The following NSD1 variants were observed in gnomAD, a reference collection of about 807,000 sequenced individuals.
NSD1 encodes histone-lysine N-methyltransferase, H3 lysine-36 specific.
A neutral mutation model predicts 242.7 loss-of-function variants in NSD1; 26 were observed. The observed-to-expected ratio is 0.11, with a 90% CI of 0.08 to 0.15. The LOEUF (loss-of-function observed/expected upper bound fraction) is 0.15, where lower values mean the gene tolerates loss of function less well. Among genes scored for constraint, NSD1 ranks in the 10% least tolerant of loss-of-function variants. NSD1 has a pLI of 1.00. For missense variants in NSD1, 2,495 were observed against 3,272.8 expected, an observed-to-expected ratio of 0.76 and a Z score of 5.80; for synonymous variants, 1,106 against 1,178.1, an observed-to-expected ratio of 0.94 and a Z score of 1.25.
rs751602914 is a variant in NSD1 at position 177,147,583 on chromosome 5, GT to G, written c.927+11561del. The stretch of plus-strand genomic sequence containing the variant: ...TAAGTTGTTGACTAAATCAATAGTT[GT>G]TTTTTTTGTTTGTTTTTTTTTTGAG... On this transcript the variant is annotated intron_variant, in intron 2 of 22. Transcript: ENST00000439151. Among the ~76,000 whole-genome samples the G allele has an allele frequency of 2.7e-5, 4 of 150,774 alleles. No individual in the cohort carries two copies. In the South Asian group the frequency reaches 6.3e-4, roughly 24 times the overall value.
chr5:177,227,589 C>T (rs1038140680), intron 5 of NSD1, among the ~76,000 whole-genome samples: 16 of 151,820 alleles, frequency 1.1e-4, no homozygotes, highest in African/African-American at 3.9e-4. Context: ...TATAGGTGTG[C>T]GCCACCACAT....
At chr5:177,249,497 C>T (rs1050815971) in intron 11 of NSD1, among the ~76,000 whole-genome samples, 2 of 151,914 alleles carry the variant, frequency 1.3e-5, no homozygotes, top group East Asian at 1.9e-4. Flanking sequence ...GACGAAGTCT[C>T]GCTCTGTCGG....
rs1429357361 is a variant in NSD1, at chr5:177,257,224, CTTTCTTTT to C, written c.4966+77_4966+84del. On this transcript the variant is annotated intron_variant, in intron 13 of 22. Transcript: ENST00000439151. Reference sequence around the variant, plus strand: ...ATTGGCAACAGATATTTTCTTTTTTCTTTCTTTTTTTTTTTTTTTTTTTGGAGACAGAG... The same window carrying C: ...ATTGGCAACAGATATTTTCTTTTTTCTTTTTTTTTTTTTTTGGAGACAGAG... 162 of 898,334 alleles carry C rather than the reference CTTTCTTTT, an allele frequency of 1.8e-4. 2 individuals are homozygous for C. The African/African-American group carries it at 2.7e-3, about 15-fold the overall frequency. The allele number at this position is 898,334 out of a possible 1,614,324, so 55.6% of individuals were successfully genotyped here.
At chr5:177,132,492 C>T (rs973893814), upstream of NSD1, among the ~76,000 whole-genome samples, 1 of 151,858 alleles carries the variant, frequency 6.6e-6, no homozygotes. This position sits in a 1 kb window ranked among gnomAD's most constrained non-coding sequence, Gnocchi z 7.5. Context: ...CCCCCTCCCC[C>T]GGCGTTCCCC....
chr5:177,173,478 T>G (rs1480747950), intron 2 of NSD1, among the ~76,000 whole-genome samples: 1 of 142,176 alleles, frequency 7.0e-6, no homozygotes, highest in Non-Finnish European at 1.5e-5. Context: ...TTTTTTTTTT[T>G]TTTTTTTTTT....
intron 14 of NSD1, among the ~76,000 whole-genome samples, chr5:177,264,040 T>TTTTTTTTTTTA (rs1757216160): frequency 7.9e-6 from 1 of 126,668 alleles, no homozygotes; most frequent in African/African-American, 3.0e-5. Flanking sequence ...TTTTTTTTTT[T>TTTTTTTTTTTA]TTTTTTTTTT....
Position 177,192,336 on chromosome 5 carries a change from G to A in NSD1, c.1063+317G>A, listed in dbSNP as rs377613850. On this transcript the variant is annotated intron_variant, in intron 3 of 22. Coordinates refer to ENST00000439151, the MANE Select transcript of NSD1 (RefSeq NM_022455.5). The stretch of plus-strand genomic sequence containing the variant: ...AGCGATTCTCCTGCCTTAGCCTCCC[G>A]AGTAGCTGGGATTACAGGCATCCGC... Among the ~76,000 whole-genome samples the A allele has an allele frequency of 9.9e-5, 15 of 151,282 alleles. No homozygotes were observed. The East Asian group carries it at 1.9e-3, about 20-fold the overall frequency.
chr5:177,258,274 C>G (rs1327012052), intron 13 of NSD1, among the ~76,000 whole-genome samples: 1 of 151,788 alleles, frequency 6.6e-6, no homozygotes, highest in African/African-American at 2.4e-5. Context: ...GCCACTGCGC[C>G]CGGCCGGCCA....
intron 3 of NSD1, among the ~76,000 whole-genome samples, chr5:177,193,745 G>A (rs1361587878): frequency 7.2e-5 from 11 of 152,080 alleles, no homozygotes; most frequent in Non-Finnish European, 8.8e-5. Context: ...CTTTCAACAG[G>A]CAACCAATTG....
chr5:177,174,804 C>G (rs1220259767), intron 2 of NSD1, among the ~76,000 whole-genome samples: 1 of 150,306 alleles, frequency 6.7e-6, no homozygotes, highest in African/African-American at 2.5e-5. Flanking sequence ...CTCAGGTGAT[C>G]TGCCCACCTC....
chr5:177,270,123 G>A (rs1354595414), intron 16 of NSD1, among the ~76,000 whole-genome samples: 1 of 151,882 alleles, frequency 6.6e-6, no homozygotes, highest in Non-Finnish European at 1.5e-5. Context: ...CAGAGGCTCA[G>A]ATCTCTAGCA....
intron 19 of NSD1, among the ~76,000 whole-genome samples, chr5:177,283,222 G>A (rs1459333113): frequency 6.6e-6 from 1 of 152,158 alleles, no homozygotes; most frequent in African/African-American, 2.4e-5. Flanking sequence ...CCAAAGTGCT[G>A]GGATTACAGG....
Position 177,269,511 on chromosome 5 carries a change from A to C in NSD1, c.5304-91A>C. On this transcript the variant is annotated intron_variant, in intron 15 of 22. Transcript: ENST00000439151. The surrounding 1 kb of genome is among the most constrained non-coding windows in gnomAD (Gnocchi z 5.1). ...TGGACTTTAATGTGGACAGACAGAC[A>C]TTGCTAATCCTTACTTTTATATGAG... 1 of 1,108,064 alleles carries C rather than the reference A, an allele frequency of 9.0e-7. No homozygotes were observed. Among genetic ancestry groups the C allele is most frequent in the Non-Finnish European group, 1.4e-6 (1 of 737,908 alleles). 68.6% of individuals were successfully genotyped at this position (1,108,064 alleles called of 1,614,324 possible).
chr5:177,218,685 G>A (rs1429748410), intron 5 of NSD1, among the ~76,000 whole-genome samples: 5 of 150,918 alleles, frequency 3.3e-5, no homozygotes, highest in African/African-American at 9.7e-5. Flanking sequence ...CTCCTGCCTC[G>A]GCTTCCTGAG....
At position 177,247,303 on chromosome 5, in the gene NSD1, G is replaced by A. The variant is rs550445857; in HGVS notation, c.4497+507G>A. On this transcript the variant is annotated intron_variant, in intron 10 of 22. Transcript: ENST00000439151. Reference sequence around the variant, plus strand: ...AAATTACCTGAGTGTGGTGGCATGCGCCTATAATTCCAGCTAATCGGGCAG... The same window carrying A: ...AAATTACCTGAGTGTGGTGGCATGCACCTATAATTCCAGCTAATCGGGCAG... Among the ~76,000 whole-genome samples, 58 of 152,230 alleles carry A rather than the reference G, an allele frequency of 3.8e-4. 1 individual carries two copies. Among genetic ancestry groups the A allele is most frequent in the Admixed American group, 3.0e-3 (46 of 15,284 alleles).
rs905177174 is a variant in NSD1 at position 177,248,434 on chromosome 5, G to A, written c.4641+110G>A. The A allele has an allele frequency of 3.0e-6, 4 of 1,321,122 alleles. No homozygotes were observed. In the African/African-American group the frequency reaches 5.8e-5, roughly 19 times the overall value. 81.8% of individuals were successfully genotyped at this position (1,321,122 alleles called of 1,614,324 possible). On this transcript the variant is annotated intron_variant, in intron 11 of 22. Coordinates refer to ENST00000439151, the MANE Select transcript of NSD1 (RefSeq NM_022455.5). ...TGGTAGAATAACAATGCTTTTGGAT[G>A]ATTCCAGTGGAGTCACTTTCTTTAA...
chr5:177,200,566 A>G (rs1562192544), intron 3 of NSD1, among the ~76,000 whole-genome samples: 2 of 152,224 alleles, frequency 1.3e-5, no homozygotes, highest in Non-Finnish European at 2.9e-5. Context: ...ATTTACCAAC[A>G]TCACCATAGC....
chr5:177,244,433 A>G (rs1304417547), intron 9 of NSD1, among the ~76,000 whole-genome samples, 163 bp downstream of exon 9: 1 of 152,242 alleles, frequency 6.6e-6, no homozygotes, highest in Admixed American at 6.5e-5. Flanking sequence ...AAATATTGAT[A>G]AATTGAATAT....
chr5:177,247,609 A>G (rs1581432307), intron 10 of NSD1, among the ~76,000 whole-genome samples: 2 of 152,110 alleles, frequency 1.3e-5, no homozygotes, highest in Non-Finnish European at 2.9e-5. Flanking sequence ...GTTAGCGGGA[A>G]GATTTACTTG....
Sources: gnomAD v4.1 joint callset for allele counts (sites outside exome capture counted in the v4.1 genomes callset) on GRCh38, gnomAD v4.1.1 for gene constraint, Gnocchi (gnomAD v3.1) non-coding constraint, MANE v1.5 for transcripts, NCBI Gene and HGNC (gene_info 2026-07-23, HGNC 2026-07-21) for gene names.